DLGAP2: variants seen among roughly 807,000 people sequenced by gnomAD.
DLGAP2 encodes the protein DLG associated protein 2.
In DLGAP2, 26 loss-of-function variants were observed where a neutral mutation model predicts 100.3. The ratio of observed to expected loss-of-function variants is 0.26; its 90% CI spans 0.19 to 0.36. The LOEUF (loss-of-function observed/expected upper bound fraction) is 0.36. DLGAP2 is among the 10% of genes least tolerant of loss of function. The probability of loss-of-function intolerance (pLI) is 1.00; values close to 1 mark genes in which losing one functional copy is unlikely to be tolerated. For missense variants in DLGAP2, 1,858 were observed against 1,453.2 expected (o/e 1.28, Z -4.53); for synonymous variants, 886 against 630.1 (o/e 1.41, Z -6.08).
chr8:1,263,189 A>C (rs1482893364), intron 3 of DLGAP2, among the ~76,000 whole-genome samples: 1 of 152,216 alleles, frequency 6.6e-6, no homozygotes. Context: ...TTGGAACTTT[A>C]AGAAGCAATA....
intron 1 of DLGAP2, among the ~76,000 whole-genome samples, chr8:750,317 A>T (rs955228769): frequency 6.6e-6 from 1 of 152,216 alleles, no homozygotes; most frequent in Non-Finnish European, 1.5e-5. Context: ...CTCAGGGAGG[A>T]CGTCACAGGA....
chr8:1,343,139 G>C (rs999025927), intron 3 of DLGAP2, among the ~76,000 whole-genome samples: 1 of 152,164 alleles, frequency 6.6e-6, no homozygotes, highest in Non-Finnish European at 1.5e-5. Flanking sequence ...AAGTCCCCAA[G>C]ACCACCTGGA....
At chr8:1,698,547 T>A (rs1799469804) in intron 14 of DLGAP2, among the ~76,000 whole-genome samples, 1 of 98,064 alleles carries the variant, frequency 1.0e-5, no homozygotes, top group Non-Finnish European at 1.9e-5. Flanking sequence ...TGCATGGGAC[T>A]AGACAGGTCC....
intron 6 of DLGAP2, among the ~76,000 whole-genome samples, chr8:1,585,022 T>C (rs1295551371): frequency 2.6e-4 from 31 of 118,258 alleles, no homozygotes; most frequent in Admixed American, 2.4e-3. Context: ...CATTTTTAAA[T>C]TTTGTGCTTT....
chr8:869,592 T>A (rs1797559739), intron 1 of DLGAP2, among the ~76,000 whole-genome samples: 2 of 152,354 alleles, frequency 1.3e-5, no homozygotes, highest in South Asian at 4.1e-4. Flanking sequence ...GACCTCCCTG[T>A]CTTTTCCAAG....
chr8:1,356,849 A>G (rs2129640429), intron 3 of DLGAP2, among the ~76,000 whole-genome samples: 1 of 152,336 alleles, frequency 6.6e-6, no homozygotes, highest in East Asian at 1.9e-4. Context: ...CAGTAAGGAT[A>G]ACAGCCAAGC....
At chr8:1,373,811 A>G (rs193235699) in intron 3 of DLGAP2, 1 of 152,374 alleles carries the variant, frequency 6.6e-6, no homozygotes, top group East Asian at 1.9e-4. Context: ...CAATGCACGG[A>G]ATCTACCCTG....
At chr8:1,255,700 T>TC (rs1799188027) in intron 2 of DLGAP2, among the ~76,000 whole-genome samples, 1 of 71,760 alleles carries the variant, frequency 1.4e-5, no homozygotes, top group African/African-American at 5.3e-5. Context: ...TGTGTCCTCT[T>TC]CTGCCTGGGA....
At chr8:1,685,969 C>A (rs184264986) in intron 12 of DLGAP2, among the ~76,000 whole-genome samples, 5 of 152,292 alleles carry the variant, frequency 3.3e-5, no homozygotes, top group Admixed American at 1.3e-4. Flanking sequence ...AGCTTGCACA[C>A]TGCTGGTTGG....
chr8:1,052,320 C>G (rs929889401), intron 2 of DLGAP2, among the ~76,000 whole-genome samples: 1 of 152,216 alleles, frequency 6.6e-6, no homozygotes, highest in Non-Finnish European at 1.5e-5. Context: ...CATGCAAAAC[C>G]ATGCCAAATG....
chr8:1,066,900 C>A (rs999375045), intron 2 of DLGAP2, among the ~76,000 whole-genome samples: 2 of 152,232 alleles, frequency 1.3e-5, no homozygotes, highest in Non-Finnish European at 1.5e-5. Context: ...CCGTCAGAGC[C>A]CACGATACCC....
intron 2 of DLGAP2, among the ~76,000 whole-genome samples, chr8:1,249,990 T>C (rs529867183): frequency 1.2e-4 from 18 of 152,234 alleles, no homozygotes; most frequent in African/African-American, 3.6e-4. Flanking sequence ...AAGTGATTGT[T>C]CTGCCTCAGC....
intron 6 of DLGAP2, among the ~76,000 whole-genome samples, chr8:1,624,012 C>T (rs1267868921): frequency 1.3e-5 from 2 of 152,198 alleles, no homozygotes; most frequent in African/African-American, 4.8e-5. Context: ...TGTCCAGCAG[C>T]CACTGCCAGA....
chr8:1,022,169 C>T (rs1311380486), intron 2 of DLGAP2, among the ~76,000 whole-genome samples: 1 of 151,882 alleles, frequency 6.6e-6, no homozygotes, highest in Non-Finnish European at 1.5e-5. Flanking sequence ...GGTGGACAGT[C>T]CTGTGCTGAG....
chr8:1,426,234 G>C (rs1252637638), intron 3 of DLGAP2, among the ~76,000 whole-genome samples: 1 of 152,148 alleles, frequency 6.6e-6, no homozygotes, highest in African/African-American at 2.4e-5. Flanking sequence ...TGAGAACAGA[G>C]GCAGATGTAA....
chr8:1,236,339 C>T (rs1219083594), intron 2 of DLGAP2, among the ~76,000 whole-genome samples: 17 of 57,938 alleles, frequency 2.9e-4, no homozygotes, highest in African/African-American at 4.5e-4. Context: ...TCTCACATGG[C>T]GCCGTGTCTA....
chr8:1,619,896 G>A (rs1012540605), intron 6 of DLGAP2: 2 of 152,182 alleles, frequency 1.3e-5, no homozygotes, highest in Admixed American at 6.5e-5. Context: ...CTTCCGACCT[G>A]TAAAGCACAT....
chr8:1,683,898 A>G (rs1268430921), intron 12 of DLGAP2, among the ~76,000 whole-genome samples: 8 of 103,950 alleles, frequency 7.7e-5, no homozygotes, highest in East Asian at 3.2e-4. Context: ...GTGTGTGTGT[A>G]TACACATATA....
At chr8:1,422,926 G>A (rs1797139596) in intron 3 of DLGAP2, among the ~76,000 whole-genome samples, 1 of 152,132 alleles carries the variant, frequency 6.6e-6, no homozygotes, top group Admixed American at 6.5e-5. Flanking sequence ...CTTCACCCTA[G>A]GCCAACTCTG....
Sources: gnomAD v4.1 joint callset for allele counts (sites outside exome capture counted in the v4.1 genomes callset) on GRCh38, gnomAD v4.1.1 for gene constraint, MANE v1.5 for transcripts, NCBI Gene and HGNC (gene_info 2026-07-23, HGNC 2026-07-21) for gene names.